The following PER3 variants were observed in gnomAD, a reference collection of about 807,000 sequenced individuals.
PER3 encodes the protein period circadian protein homolog 3.
PER3 carries 107 observed loss-of-function variants against 127.2 expected under a neutral mutation model. The ratio of observed to expected loss-of-function variants is 0.84; its 90% CI spans 0.72 to 0.99. PER3 has a LOEUF of 0.99. PER3 is among the 50% of genes least tolerant of loss of function. The pLI, the probability that PER3 is intolerant of heterozygous loss-of-function variation, is 0.00. For missense variants in PER3, 1,560 were observed against 1,525.8 expected, an observed-to-expected ratio of 1.02 and a Z score of -0.37; for synonymous variants, 618 against 585.8, an observed-to-expected ratio of 1.05 and a Z score of -0.79.
At chr1:7,812,483 G>A (rs531319805) in intron 13 of PER3, among the ~76,000 whole-genome samples, 1 of 151,802 alleles carries the variant, frequency 6.6e-6, no homozygotes. Flanking sequence ...AAATTAGCCG[G>A]GCGTGGTGGT....
intron 8 of PER3, among the ~76,000 whole-genome samples, chr1:7,801,851 TTTAC>T (rs963354677): frequency 1.3e-4 from 20 of 152,250 alleles, no homozygotes; most frequent in African/African-American, 4.8e-4. Flanking sequence ...ATTTTAACAT[TTTAC>T]TTACTCATGA....
Position 7,788,106 on chromosome 1 carries a change from C to T in PER3, c.452C>T (p.Ala151Val). ...SGRLVHISEQ[A>V]ALILNRKKDV... ...AGGTTAGTGCACATTTCTGAACAGG[C>T]TGCTTTGATCCTGAATCGTAAGAAA... The change falls in exon 5 of 22, where the codon GCT becomes GTT. Residue 151 changes from alanine (A) to valine (V), a missense_variant. Around this residue, in one of 3 missense-constraint regions of PER3, gnomAD observed 1,332 missense variants for 1,223.6 expected, o/e 1.09. Coordinates refer to ENST00000377532, the MANE Select transcript of PER3 (RefSeq NM_001377275.1). The T allele has an allele frequency of 6.2e-7, 1 of 1,613,862 alleles. No individual in the cohort carries two copies.
Position 7,835,826 on chromosome 1 carries a change from G to A in PER3, c.3279G>A (p.Gly1093=), listed in dbSNP as rs893988555. The change falls in exon 20 of 22, where the codon GGG becomes GGA. Residue 1093 remains glycine (G), a synonymous_variant. Coordinates refer to ENST00000377532, the MANE Select transcript of PER3 (RefSeq NM_001377275.1). ...ATTCTTCTAAAATCTCCCAAAATGG[G>A]CAGCAATCTCAGGACGTACAGAAAA... ...SVYSSKISQN[G]QQSQDVQKKE... 2.5e-6 allele frequency: 4 copies of A among 1,612,142 alleles called. No individual in the cohort carries two copies. Among genetic ancestry groups the A allele is most frequent in the South Asian group, 1.1e-5 (1 of 91,038 alleles).
chr1:7,799,828 G>A (rs1200299067), intron 7 of PER3, among the ~76,000 whole-genome samples: 1 of 152,068 alleles, frequency 6.6e-6, no homozygotes, highest in African/African-American at 2.4e-5. Flanking sequence ...GGAGTGCAGT[G>A]TGTGGTCATG....
chr1:7,833,060 A>T (rs1052580278), intron 19 of PER3, among the ~76,000 whole-genome samples: 4 of 152,098 alleles, frequency 2.6e-5, no homozygotes, highest in Admixed American at 1.3e-4. Context: ...TGGTTGTTTT[A>T]GAAAGGCTTA....
Position 7,819,400 on chromosome 1 carries a change from C to G in PER3, c.1638C>G (p.Asn546Lys). ...DEHSPSYQQI[N>K]CIDSVIRYLK... is the part of the protein sequence containing the mutation. ...ACAGCCCATCCTATCAACAGATCAACTGTATCGACAGTGTCATCAGGTATG... is the reference window on the plus strand; with the variant it reads ...ACAGCCCATCCTATCAACAGATCAAGTGTATCGACAGTGTCATCAGGTATG... The change falls in exon 14 of 22, where the codon AAC (asparagine) becomes AAG (lysine). Residue 546 changes from asparagine (N) to lysine (K), a missense_variant. By Grantham distance (94) the Asn-to-Lys change is moderately conservative (BLOSUM62 0). Around this residue, in one of 3 missense-constraint regions of PER3, gnomAD observed 1,332 missense variants for 1,223.6 expected, o/e 1.09. Coordinates refer to ENST00000377532, the MANE Select transcript of PER3 (RefSeq NM_001377275.1). 6.2e-7 allele frequency: 1 copy of G among 1,614,104 alleles called. No individual in the cohort carries two copies. The highest frequency in any genetic ancestry group is 8.5e-7 in the Non-Finnish European group (1 of 1,179,946).
rs758952283 is a variant in PER3, at chr1:7,827,665, G to A, written c.2736G>A (p.Glu912=). The part of the protein sequence containing the change: ...PPSVTSQRRE[E]EKWEAQSEGH... ...CAGTCACCAGCCAAAGGAGAGAGGA[G>A]GAAAAGTGGGAGGCACAAAGCGAGG... The change falls in exon 18 of 22, where the codon GAG becomes GAA. Residue 912 remains glutamate (E), a synonymous_variant. Coordinates refer to ENST00000377532, the MANE Select transcript of PER3 (RefSeq NM_001377275.1). The A allele has an allele frequency of 2.5e-6, 4 of 1,614,110 alleles. No individual in the cohort carries two copies. The highest frequency in any genetic ancestry group is 1.1e-5 in the South Asian group (1 of 91,074).
chr1:7,798,769 G>C, intron 7 of PER3, 96 bp downstream of exon 7: 1 of 970,590 alleles, frequency 1.0e-6, no homozygotes, highest in Non-Finnish European at 1.6e-6. Context: ...AAGAGCTCTT[G>C]GGTCTCCAAT....
At chr1:7,824,860 C>T (rs1435427670) in intron 16 of PER3, among the ~76,000 whole-genome samples, 1 of 152,176 alleles carries the variant, frequency 6.6e-6, no homozygotes, top group Admixed American at 6.5e-5. Context: ...CTTGCGTGAG[C>T]TTCAGCTCTT....
intron 8 of PER3, 120 bp downstream of exon 8, chr1:7,801,311 T>C: frequency 5.0e-6 from 3 of 600,514 alleles, no homozygotes; most frequent in Middle Eastern, 4.8e-4. Context: ...CATTTGCCTA[T>C]TTGATTTTTG....
At chr1:7,818,247 G>A (rs574199452) in intron 13 of PER3, among the ~76,000 whole-genome samples, 6 of 152,280 alleles carry the variant, frequency 3.9e-5, no homozygotes, top group African/African-American at 1.4e-4. Context: ...TAACATTAGT[G>A]GAAGCTGGGT....
chr1:7,807,807 C>T (rs755050597), intron 10 of PER3, among the ~76,000 whole-genome samples: 45 of 152,250 alleles, frequency 3.0e-4, no homozygotes, highest in South Asian at 8.3e-4. Context: ...CTGGTCCCTT[C>T]GTGAACACCT....
intron 10 of PER3, among the ~76,000 whole-genome samples, chr1:7,804,425 G>A (rs1305870276): frequency 2.7e-5 from 4 of 145,458 alleles, no homozygotes; most frequent in Non-Finnish European, 6.0e-5. Context: ...TTTGAGACAG[G>A]TTCTCCCTCT....
intron 19 of PER3, among the ~76,000 whole-genome samples, chr1:7,831,524 G>A (rs2151205668): frequency 6.6e-6 from 1 of 152,268 alleles, no homozygotes; most frequent in East Asian, 1.9e-4. Context: ...CTGGTTCACA[G>A]TCTTAAGGGG....
chr1:7,800,094 G>C (rs1438819533), intron 7 of PER3, among the ~76,000 whole-genome samples: 1 of 151,894 alleles, frequency 6.6e-6, no homozygotes, highest in East Asian at 1.9e-4. Context: ...ATTTGTAAGT[G>C]GTTCCTTTGA....
intron 13 of PER3, chr1:7,811,347 C>T (rs1054971615): frequency 5.3e-5 from 8 of 152,186 alleles, no homozygotes; most frequent in African/African-American, 9.7e-5. Flanking sequence ...CTATATGCTT[C>T]AGGACTTGAC....
chr1:7,791,327 G>T (rs2097119894), intron 5 of PER3, among the ~76,000 whole-genome samples: 1 of 152,212 alleles, frequency 6.6e-6, no homozygotes, highest in South Asian at 2.1e-4. Flanking sequence ...AGCTGCCAAG[G>T]AATAGGGCTT....
At chr1:7,831,252 C>A (rs2097330301) in intron 19 of PER3, among the ~76,000 whole-genome samples, 1 of 152,026 alleles carries the variant, frequency 6.6e-6, no homozygotes, top group African/African-American at 2.4e-5. Flanking sequence ...TTTCAATTTG[C>A]AATTGTTTGT....
chr1:7,788,400 T>C, intron 5 of PER3, 154 bp downstream of exon 5: 2 of 610,148 alleles, frequency 3.3e-6, no homozygotes, highest in East Asian at 5.5e-5. Flanking sequence ...GAAAACAGCA[T>C]TTTAAAAGCT....
Sources: gnomAD v4.1 joint callset for allele counts (sites outside exome capture counted in the v4.1 genomes callset) on GRCh38, gnomAD v4.1.1 for gene constraint, gnomAD v4.1.1 regional missense constraint, MANE v1.5 for transcripts, NCBI Gene and HGNC (gene_info 2026-07-23, HGNC 2026-07-21) for gene names.